The following STARD10 variants were observed in gnomAD, a reference collection of about 807,000 sequenced individuals.
STARD10 encodes START domain-containing protein 10.
A neutral mutation model predicts 36.0 loss-of-function variants in STARD10; 24 were observed. The ratio of observed to expected loss-of-function variants is 0.67; its 90% CI spans 0.48 to 0.94. The LOEUF is 0.94. STARD10 is among the 40% of genes least tolerant of loss of function. The probability of loss-of-function intolerance (pLI) is 0.00; values close to 1 mark genes in which losing one functional copy is unlikely to be tolerated. For synonymous variants in STARD10, 156 were observed against 161.9 expected (o/e 0.96, Z 0.28); for missense variants, 335 against 396.6 (o/e 0.84, Z 1.32).
chr11:72,765,816 C>CAAAAAAAAAAAAAAAAAAAA (rs752801080), intron 2 of STARD10, among the ~76,000 whole-genome samples: 3 of 118,194 alleles, frequency 2.5e-5, no homozygotes, highest in African/African-American at 7.0e-5. Context: ...ACTAAAAATA[C>CAAAAAAAAAAAAAAAAAAAA]AAAAAAAAAA....
chr11:72,772,346 C>T (rs996624331), intron 2 of STARD10, among the ~76,000 whole-genome samples: 32 of 136,060 alleles, frequency 2.4e-4, no homozygotes, highest in Admixed American at 4.4e-4. Context: ...ACAGTGGGCA[C>T]GGTTCTCCCT....
At position 72,759,294 on chromosome 11, in the gene STARD10, C is replaced by T. The variant is rs201257997; in HGVS notation, c.295G>A (p.Val99Ile). ...IEYRKKWDSN[V>I]IETFDIARLT... The stretch of plus-strand genomic sequence containing the variant: ...CGGGCGATGTCAAAAGTCTCAATGA[C>T]GTTGCTGTCCCATTTCTTGCGGTAC... The change falls in exon 3 of 7, where the codon GTC becomes ATC. Residue 99 changes from valine to isoleucine, a missense_variant. Val to Ile is a conservative substitution (Grantham distance 29). Coordinates refer to ENST00000334805, the MANE Select transcript of STARD10 (RefSeq NM_006645.3). The T allele has an allele frequency of 1.7e-5, 27 of 1,614,126 alleles. No homozygotes were observed. Among genetic ancestry groups the T allele is most frequent in the Non-Finnish European group, 1.8e-5 (21 of 1,180,036 alleles).
At chr11:72,791,142 G>C (rs959424862) in intron 1 of STARD10, among the ~76,000 whole-genome samples, 7 of 152,248 alleles carry the variant, frequency 4.6e-5, no homozygotes, top group Admixed American at 4.6e-4. Flanking sequence ...ACAGTCCCAA[G>C]GCTTAGCATC....
intron 5 of STARD10, among the ~76,000 whole-genome samples, chr11:72,756,316 G>GTGC (rs1467160615): frequency 6.6e-6 from 1 of 152,164 alleles, no homozygotes; most frequent in African/African-American, 2.4e-5. Context: ...CTGGACCACT[G>GTGC]TGCGCTCTGG....
chr11:72,757,847 G>C lies in STARD10; in HGVS notation c.497C>G (p.Ser166Cys), dbSNP rs1479563113. ...PPRKDLVRAV[S>C]IQTGYLIQST... is the part of the protein sequence containing the mutation. ...CTGGATGAGGTAGCCCGTCTGGATG[G>C]ACACAGCTCGGACCAAGTCTTTCCG... Residue 166 changes from serine (S) to cysteine (C), a missense_variant, in exon 5 of 7, where the codon TCC (serine) becomes TGC (cysteine). Coordinates refer to ENST00000334805, the MANE Select transcript of STARD10 (RefSeq NM_006645.3). 6.2e-6 allele frequency: 10 copies of C among 1,614,212 alleles called. No individual in the cohort carries two copies. The highest frequency in any genetic ancestry group is 8.5e-6 in the Non-Finnish European group (10 of 1,180,018).
chr11:72,792,187 C>A (rs1239847941), intron 1 of STARD10, among the ~76,000 whole-genome samples: 1 of 151,532 alleles, frequency 6.6e-6, no homozygotes, highest in Admixed American at 6.6e-5. Context: ...GTAGCTGGGA[C>A]TACAGGTGCC....
intron 1 of STARD10, among the ~76,000 whole-genome samples, chr11:72,789,630 G>C (rs1468641146): frequency 2.6e-5 from 4 of 152,354 alleles, no homozygotes; most frequent in Admixed American, 1.3e-4. Context: ...GGCACTGAGA[G>C]GTCCACATTC....
chr11:72,772,960 A>G (rs1858884060), intron 2 of STARD10, among the ~76,000 whole-genome samples: 2 of 152,138 alleles, frequency 1.3e-5, no homozygotes, highest in African/African-American at 4.8e-5. Flanking sequence ...CACTGCTCAC[A>G]AAAGGCTGTC....
chr11:72,782,979 C>T (rs1406238799), intron 1 of STARD10, among the ~76,000 whole-genome samples: 1 of 152,214 alleles, frequency 6.6e-6, no homozygotes, highest in African/African-American at 2.4e-5. Flanking sequence ...CTGCCTCCTC[C>T]TCTCTGGTCC....
chr11:72,754,961 C>T lies in STARD10; in HGVS notation c.812G>A (p.Ser271Asn). The T allele has an allele frequency of 1.2e-6, 2 of 1,609,342 alleles. No individual in the cohort carries two copies. The highest frequency in any genetic ancestry group is 8.5e-7 in the Non-Finnish European group (1 of 1,179,252). The change falls in exon 7 of 7, where the codon AGC (serine) becomes AAC (asparagine). Residue 271 changes from serine (S) to asparagine (N), a missense_variant. Ser to Asn is a conservative substitution (Grantham distance 46). Coordinates refer to ENST00000334805, the MANE Select transcript of STARD10 (RefSeq NM_006645.3). Reference sequence around the variant, plus strand: ...CGCGCCGCCCATCCGCTCCTCTCTGCTCTCGGCCACCGCGCTCTCGTCGAT... The same window carrying T: ...CGCGCCGCCCATCCGCTCCTCTCTGTTCTCGGCCACCGCGCTCTCGTCGAT... ...ENIDESAVAE[S>N]REERMGGAGG...
chr11:72,764,495 C>T (rs1442993956), intron 2 of STARD10, among the ~76,000 whole-genome samples: 4 of 152,346 alleles, frequency 2.6e-5, no homozygotes, highest in South Asian at 4.1e-4. Context: ...GCTGTGGCAG[C>T]GCAGGTGAAG....
intron 2 of STARD10, among the ~76,000 whole-genome samples, chr11:72,762,705 A>G (rs1198263040): frequency 6.6e-6 from 1 of 152,176 alleles, no homozygotes; most frequent in African/African-American, 2.4e-5. Flanking sequence ...AATCAGCTCC[A>G]TGGGCTGGGT....
chr11:72,767,665 C>T (rs1272451371), intron 2 of STARD10, among the ~76,000 whole-genome samples: 1 of 152,210 alleles, frequency 6.6e-6, no homozygotes, highest in Non-Finnish European at 1.5e-5. Flanking sequence ...ACCCAAGTTC[C>T]AGATTTTCCA....
At chr11:72,762,479 A>G (rs1477050186) in intron 2 of STARD10, among the ~76,000 whole-genome samples, 1 of 151,876 alleles carries the variant, frequency 6.6e-6, no homozygotes, top group Non-Finnish European at 1.5e-5. Context: ...TAAACAATTC[A>G]CCCTCCCTTT....
chr11:72,770,822 C>T lies in STARD10; in HGVS notation c.207+10153G>A, dbSNP rs539810542. Among the ~76,000 whole-genome samples the T allele has an allele frequency of 5.3e-5, 8 of 152,122 alleles. No homozygotes were observed. In the South Asian group the frequency reaches 1.2e-3, roughly 24 times the overall value. ...ATGAAAGGGAGGGGGAAGGGGCTCC[C>T]GGCAGAGGTGATGGCCTGAGAACTA... On this transcript the variant is annotated intron_variant, in intron 2 of 6. Transcript: ENST00000334805.
Position 72,755,019 on chromosome 11 carries a change from G to A in STARD10, c.754C>T (p.Leu252=), listed in dbSNP as rs1464473483. The change falls in exon 7 of 7, where the codon CTG becomes TTG. Residue 252 remains leucine (L), a synonymous_variant. Coordinates refer to ENST00000334805, the MANE Select transcript of STARD10 (RefSeq NM_006645.3). ...SPLPSLALSE[L]SVQHADSLEN... Reference sequence around the variant, plus strand: ...AGTGAGTCCGCATGCTGCACCGACAGCTCCGACAGCGCCAGGCTCGGCAAC... The same window carrying A: ...AGTGAGTCCGCATGCTGCACCGACAACTCCGACAGCGCCAGGCTCGGCAAC... The A allele has an allele frequency of 6.2e-7, 1 of 1,613,204 alleles. No homozygotes were observed.
chr11:72,769,622 G>A (rs1313753785), intron 2 of STARD10, among the ~76,000 whole-genome samples: 1 of 152,096 alleles, frequency 6.6e-6, no homozygotes, highest in Non-Finnish European at 1.5e-5. Flanking sequence ...GGGATTGCAG[G>A]TGTGAGCCAC....
chr11:72,762,190 T>G (rs1473822190), intron 2 of STARD10, among the ~76,000 whole-genome samples: 2 of 152,024 alleles, frequency 1.3e-5, no homozygotes, highest in African/African-American at 4.8e-5. Context: ...CCTCCCAAAG[T>G]GCTTGGATTA....
At chr11:72,778,445 C>T (rs764036385) in intron 2 of STARD10, among the ~76,000 whole-genome samples, 6 of 152,212 alleles carry the variant, frequency 3.9e-5, no homozygotes, top group Non-Finnish European at 8.8e-5. Context: ...GGGAGTCCTG[C>T]AATCTTGGGG....
Sources: allele counts gnomAD v4.1 joint callset (sites outside exome capture counted in the v4.1 genomes callset), GRCh38; gene constraint gnomAD v4.1.1; transcripts MANE v1.5; gene names NCBI Gene and HGNC (gene_info 2026-07-23, HGNC 2026-07-21).